Variants in PLCXD3 observed in about 807,000 individuals in gnomAD.
PLCXD3 encodes the protein PI-PLC X domain-containing protein 3.
A neutral mutation model predicts 25.5 loss-of-function variants in PLCXD3; 19 were observed. The observed-to-expected ratio is 0.75, with a 90% CI of 0.52 to 1.09. The LOEUF (loss-of-function observed/expected upper bound fraction) is 1.09, where lower values mean the gene tolerates loss of function less well. Among genes scored for constraint, PLCXD3 ranks in the 50% least tolerant of loss-of-function variants. The pLI, the probability that PLCXD3 is intolerant of heterozygous loss-of-function variation, is 0.00. For synonymous variants in PLCXD3, 174 were observed against 137.6 expected, an observed-to-expected ratio of 1.26 and a Z score of -1.85; for missense variants, 411 against 388.1, an observed-to-expected ratio of 1.06 and a Z score of -0.50.
intron 1 of PLCXD3, among the ~76,000 whole-genome samples, chr5:41,409,582 TTA>T (rs1746457630): frequency 6.6e-6 from 1 of 152,204 alleles, no homozygotes; most frequent in African/African-American, 2.4e-5. Flanking sequence ...TTCATAGAGT[TTA>T]TCACTAGCTT....
intron 2 of PLCXD3, among the ~76,000 whole-genome samples, chr5:41,350,523 C>T (rs571654891): frequency 5.3e-5 from 8 of 151,974 alleles, no homozygotes. Flanking sequence ...AGATGCATTC[C>T]ATTGAAAGAC....
intron 1 of PLCXD3, among the ~76,000 whole-genome samples, chr5:41,385,031 A>G (rs1198231263): frequency 2.6e-5 from 4 of 152,172 alleles, no homozygotes; most frequent in Middle Eastern, 3.2e-3. Context: ...TGGCTAAAAA[A>G]TGAATATTTT....
chr5:41,358,626 C>T (rs1580322660), intron 2 of PLCXD3, among the ~76,000 whole-genome samples: 3 of 152,158 alleles, frequency 2.0e-5, no homozygotes, highest in Non-Finnish European at 4.4e-5. Flanking sequence ...GGTACGGATG[C>T]CATTATTTCT....
intron 1 of PLCXD3, among the ~76,000 whole-genome samples, chr5:41,485,404 A>G (rs773067359): frequency 5.3e-5 from 8 of 152,204 alleles, no homozygotes; most frequent in Non-Finnish European, 1.2e-4. Flanking sequence ...TCAGTTTGCC[A>G]AAACCTTCAA....
chr5:41,370,336 A>C (rs1051073540), intron 2 of PLCXD3, among the ~76,000 whole-genome samples: 5 of 23,060 alleles, frequency 2.2e-4, no homozygotes, highest in Non-Finnish European at 4.3e-4. Context: ...TGATGCATGC[A>C]GTATTTTCTG....
chr5:41,449,562 A>T (rs1431486293), intron 1 of PLCXD3, among the ~76,000 whole-genome samples: 1 of 152,192 alleles, frequency 6.6e-6, no homozygotes, highest in African/African-American at 2.4e-5. Flanking sequence ...AGGTGATCAT[A>T]AAAGGACCAT....
chr5:41,451,211 G>C (rs568598951), intron 1 of PLCXD3, among the ~76,000 whole-genome samples: 1 of 152,014 alleles, frequency 6.6e-6, no homozygotes, highest in African/African-American at 2.4e-5. Context: ...AGACATCTTA[G>C]TCAAAAGCAG....
chr5:41,464,095 C>T (rs1747955482), intron 1 of PLCXD3, among the ~76,000 whole-genome samples: 1 of 152,010 alleles, frequency 6.6e-6, no homozygotes, highest in Non-Finnish European at 1.5e-5. Flanking sequence ...CTCATACCCA[C>T]TACTGATTAT....
intron 1 of PLCXD3, among the ~76,000 whole-genome samples, 200 bp from the exon 2 acceptor site, chr5:41,382,734 A>G (rs1455150498): frequency 1.3e-5 from 2 of 152,128 alleles, no homozygotes; most frequent in Non-Finnish European, 2.9e-5. Flanking sequence ...AATAGATCAA[A>G]TTGGTTATTA....
At chr5:41,467,576 C>A (rs565561387) in intron 1 of PLCXD3, among the ~76,000 whole-genome samples, 1 of 152,156 alleles carries the variant, frequency 6.6e-6, no homozygotes, top group East Asian at 1.9e-4. Flanking sequence ...ATTTGTATAT[C>A]TTTGCTTTTG....
intron 1 of PLCXD3, among the ~76,000 whole-genome samples, chr5:41,431,611 C>CTT (rs761726545): frequency 8.5e-5 from 13 of 152,106 alleles, no homozygotes; most frequent in Admixed American, 3.3e-4. Flanking sequence ...TATATATCAC[C>CTT]TTTTTGTTCT....
intron 2 of PLCXD3, among the ~76,000 whole-genome samples, chr5:41,350,432 AAC>A (rs1561241449): frequency 6.6e-6 from 1 of 152,182 alleles, no homozygotes; most frequent in East Asian, 1.9e-4. Flanking sequence ...GAGTAAGGGA[AAC>A]AATCTTAGGA....
intron 2 of PLCXD3, among the ~76,000 whole-genome samples, chr5:41,352,187 C>A (rs1199818517): frequency 1.3e-5 from 2 of 152,168 alleles, no homozygotes; most frequent in Non-Finnish European, 2.9e-5. Context: ...TCTGACTTTT[C>A]TTAAACTTCT....
intron 1 of PLCXD3, among the ~76,000 whole-genome samples, chr5:41,463,149 G>A (rs1293727558): frequency 1.3e-5 from 2 of 151,910 alleles, no homozygotes. Context: ...TATACAACAG[G>A]GTAATCTCAC....
At chr5:41,358,921 C>A (rs1448923459) in intron 2 of PLCXD3, among the ~76,000 whole-genome samples, 1 of 152,136 alleles carries the variant, frequency 6.6e-6, no homozygotes. Flanking sequence ...GGGTTTCAAT[C>A]ATAAGGGATG....
At chr5:41,321,805 A>G (rs960021492) in intron 2 of PLCXD3, among the ~76,000 whole-genome samples, 24 of 152,248 alleles carry the variant, frequency 1.6e-4, no homozygotes, top group Non-Finnish European at 2.8e-4. Flanking sequence ...CAAAGGTGCC[A>G]CAAACACACA....
At chr5:41,445,724 T>G (rs1417378127) in intron 1 of PLCXD3, among the ~76,000 whole-genome samples, 1 of 152,156 alleles carries the variant, frequency 6.6e-6, no homozygotes, top group Non-Finnish European at 1.5e-5. Flanking sequence ...TTCGAAGTAG[T>G]TACATTTGCC....
At chr5:41,452,226 C>A (rs1237764425) in intron 1 of PLCXD3, among the ~76,000 whole-genome samples, 2 of 152,118 alleles carry the variant, frequency 1.3e-5, no homozygotes, top group Admixed American at 1.3e-4. Flanking sequence ...TCTTTTCATT[C>A]TCCTTAGTCC....
At chr5:41,321,830 G>T (rs980827566) in intron 2 of PLCXD3, among the ~76,000 whole-genome samples, 16 of 152,318 alleles carry the variant, frequency 1.1e-4, no homozygotes, top group African/African-American at 3.6e-4. Context: ...GGAAAAGACA[G>T]TATCTTCAGT....
Sources: allele counts gnomAD v4.1 joint callset (sites outside exome capture counted in the v4.1 genomes callset), GRCh38; gene constraint gnomAD v4.1.1; transcripts MANE v1.5; gene names NCBI Gene and HGNC (gene_info 2026-07-23, HGNC 2026-07-21).